EXOC6: variants seen among roughly 807,000 people sequenced by gnomAD.
EXOC6 encodes the protein SEC15-like 1.
Under a neutral mutation model 112.5 loss-of-function variants are expected in EXOC6, and 60 were observed. The ratio of observed to expected loss-of-function variants is 0.53; its 90% CI spans 0.43 to 0.66. The LOEUF is 0.66. Ranked by LOEUF, EXOC6 falls within the 30% of genes least tolerant of loss-of-function variation. The pLI is 0.00. For synonymous variants in EXOC6, 295 were observed against 308.0 expected (o/e 0.96, Z 0.44); for missense variants, 855 against 957.1 (o/e 0.89, Z 1.41).
chr10:93,031,606 A>G (rs1845279926), intron 20 of EXOC6, among the ~76,000 whole-genome samples: 1 of 140,654 alleles, frequency 7.1e-6, no homozygotes, highest in South Asian at 2.2e-4. Context: ...TCCGCCTCCC[A>G]GGTTCAAGCG....
At chr10:93,034,164 G>T (rs977650526) in intron 20 of EXOC6, among the ~76,000 whole-genome samples, 5 of 152,224 alleles carry the variant, frequency 3.3e-5, no homozygotes, top group African/African-American at 1.2e-4. Flanking sequence ...GATTGCTAAA[G>T]TTAGGAATTA....
intron 17 of EXOC6, among the ~76,000 whole-genome samples, chr10:92,964,235 A>G (rs1278035442): frequency 2.0e-5 from 3 of 151,574 alleles, no homozygotes; most frequent in East Asian, 1.9e-4. Context: ...TGGAAATTAT[A>G]TATATATTTT....
At chr10:92,932,320 G>A (rs1249067495) in intron 9 of EXOC6, among the ~76,000 whole-genome samples, 2 of 152,094 alleles carry the variant, frequency 1.3e-5, no homozygotes, top group Non-Finnish European at 2.9e-5. Context: ...CTACAAAAGA[G>A]CAGGAGGAAA....
chr10:92,973,893 T>TA (rs1201589016), intron 17 of EXOC6, among the ~76,000 whole-genome samples, 160 bp from the exon 18 acceptor site: 1 of 152,012 alleles, frequency 6.6e-6, no homozygotes, highest in African/African-American at 2.4e-5. Flanking sequence ...GTCAAATAAA[T>TA]AGAGTACTGC....
intron 1 of EXOC6, among the ~76,000 whole-genome samples, chr10:92,827,338 G>T (rs1846400990): frequency 6.6e-6 from 1 of 151,720 alleles, no homozygotes. Context: ...GCCAGGCATG[G>T]TGGCATATTC....
intron 1 of EXOC6, among the ~76,000 whole-genome samples, chr10:92,838,113 T>G (rs1338100559): frequency 6.6e-6 from 1 of 152,194 alleles, no homozygotes; most frequent in East Asian, 1.9e-4. Context: ...AAGAGATGGT[T>G]TCTACCAGTG....
chr10:92,936,938 C>T (rs1042259414), intron 12 of EXOC6, among the ~76,000 whole-genome samples: 1 of 152,044 alleles, frequency 6.6e-6, no homozygotes. Flanking sequence ...GGGTGTACAC[C>T]CTCTGCGATA....
intron 1 of EXOC6, among the ~76,000 whole-genome samples, chr10:92,859,689 G>A (rs2133672387): frequency 6.6e-6 from 1 of 152,310 alleles, no homozygotes; most frequent in South Asian, 2.1e-4. Flanking sequence ...GAATTCTAGA[G>A]CTTGAATGAC....
chr10:92,982,380 A>C lies in EXOC6; in HGVS notation c.1953+8148A>C, dbSNP rs1178598081. Among the ~76,000 whole-genome samples, 4 of 152,148 alleles carry C rather than the reference A, an allele frequency of 2.6e-5. No individual in the cohort carries two copies. In the East Asian group the frequency reaches 7.7e-4, roughly 29 times the overall value. On this transcript the variant is annotated intron_variant, in intron 18 of 21. Coordinates refer to ENST00000260762, the MANE Select transcript of EXOC6 (RefSeq NM_019053.6). Reference sequence around the variant, plus strand: ...GATCCAATTGTGCACACTTCTTTCCAACTGTGCCTTGACAGTGGCATCACA... The same window carrying C: ...GATCCAATTGTGCACACTTCTTTCCCACTGTGCCTTGACAGTGGCATCACA...
At chr10:92,997,643 G>T in intron 19 of EXOC6, 28 bp downstream of exon 19, 1 of 1,529,564 alleles carries the variant, frequency 6.5e-7, no homozygotes, top group Non-Finnish European at 8.9e-7. Context: ...TTATTCTTAT[G>T]TATTACTAGG....
At chr10:92,984,067 A>G (rs1049031599) in intron 18 of EXOC6, among the ~76,000 whole-genome samples, 1 of 152,132 alleles carries the variant, frequency 6.6e-6, no homozygotes, top group Non-Finnish European at 1.5e-5. Context: ...ACCAGTAAAC[A>G]GTACTGGTGT....
At chr10:92,903,866 G>T (rs892721473) in intron 5 of EXOC6, among the ~76,000 whole-genome samples, 2 of 151,952 alleles carry the variant, frequency 1.3e-5, no homozygotes, top group African/African-American at 4.8e-5. Flanking sequence ...CAGTTCTGTG[G>T]ATTTTGGCAA....
intron 18 of EXOC6, among the ~76,000 whole-genome samples, chr10:92,993,620 C>A (rs1250766381): frequency 6.6e-6 from 1 of 152,100 alleles, no homozygotes; most frequent in African/African-American, 2.4e-5. Context: ...TCAAAACAAA[C>A]CAGTTTTGAG....
intron 20 of EXOC6, among the ~76,000 whole-genome samples, chr10:93,021,165 C>A (rs1844767084): frequency 6.6e-6 from 1 of 151,862 alleles, no homozygotes; most frequent in African/African-American, 2.4e-5. Flanking sequence ...TCCACACTTT[C>A]CCCATCTCCC....
intron 20 of EXOC6, among the ~76,000 whole-genome samples, chr10:93,053,485 T>G (rs1222715244): frequency 6.6e-6 from 1 of 152,260 alleles, no homozygotes; most frequent in African/African-American, 2.4e-5. Context: ...TCATTTGACT[T>G]ACTTAACGTT....
At chr10:92,849,228 G>A (rs1847208226) in intron 1 of EXOC6, among the ~76,000 whole-genome samples, 1 of 152,116 alleles carries the variant, frequency 6.6e-6, no homozygotes, top group African/African-American at 2.4e-5. Context: ...GCGTGGGCTG[G>A]AGGAGAGCAG....
At position 92,873,816 on chromosome 10, in the gene EXOC6, C is replaced by G. The variant is rs191197883; in HGVS notation, c.102-19533C>G. On this transcript the variant is annotated intron_variant, in intron 1 of 21. Coordinates refer to ENST00000260762, the MANE Select transcript of EXOC6 (RefSeq NM_019053.6). Reference sequence around the variant, plus strand: ...CTGTAATACCAGCACTTTGGGAGGCCGAGGTGGGCAGATCACTTGAGGTCA... The same window carrying G: ...CTGTAATACCAGCACTTTGGGAGGCGGAGGTGGGCAGATCACTTGAGGTCA... Among the ~76,000 whole-genome samples the G allele has an allele frequency of 8.3e-3, 1,263 of 151,944 alleles. 6 individuals carry two copies. The highest frequency in any genetic ancestry group is 0.013 in the Non-Finnish European group (916 of 67,964).
Position 92,894,946 on chromosome 10 carries a change from A to G in EXOC6, c.338A>G (p.Glu113Gly). The G allele has an allele frequency of 6.2e-7, 1 of 1,612,216 alleles. No homozygotes were observed. Among genetic ancestry groups the G allele is most frequent in the South Asian group, 1.1e-5 (1 of 91,006 alleles). The change falls in exon 4 of 22, where the codon GAA (glutamate) becomes GGA (glycine). Residue 113 changes from glutamate (E) to glycine (G), a missense_variant. Coordinates refer to ENST00000260762, the MANE Select transcript of EXOC6 (RefSeq NM_019053.6). The part of the protein sequence containing the change: ...DAGKEVIVHT[E>G]DIIRCRIQQR... ...TTTTCTAAGGTGATAGTCCACACAG[A>G]AGATATCATTCGATGTAGAATTCAG... is the stretch of plus-strand genomic sequence containing the variant.
intron 1 of EXOC6, among the ~76,000 whole-genome samples, chr10:92,863,577 AGACCAGCCT>A (rs975369288): frequency 1.3e-5 from 2 of 152,150 alleles, no homozygotes; most frequent in African/African-American, 2.4e-5. Context: ...CAGGAGGTTG[AGACCAGCCT>A]GGGCAACATG....
Sources: allele counts gnomAD v4.1 joint callset (sites outside exome capture counted in the v4.1 genomes callset), GRCh38; gene constraint gnomAD v4.1.1; transcripts MANE v1.5; gene names NCBI Gene and HGNC (gene_info 2026-07-23, HGNC 2026-07-21).